ZGRF1: variants seen among roughly 807,000 people sequenced by gnomAD.
ZGRF1 encodes the protein zinc finger GRF-type containing 1, also known as 5'-3' DNA helicase ZGRF1.
A neutral mutation model predicts 203.5 loss-of-function variants in ZGRF1; 196 were observed. The ratio of observed to expected loss-of-function variants is 0.96; its 90% CI spans 0.86 to 1.08. The LOEUF is 1.08. Among genes scored for constraint, ZGRF1 ranks in the 50% least tolerant of loss-of-function variants. The pLI, the probability that ZGRF1 is intolerant of heterozygous loss-of-function variation, is 0.00. For synonymous variants in ZGRF1, 809 were observed against 841.3 expected (o/e 0.96, Z 0.66); for missense variants, 2,326 against 2,416.3 (o/e 0.96, Z 0.78).
chr4:112,604,473 T>C (rs1349254473), intron 9 of ZGRF1, among the ~76,000 whole-genome samples: 1 of 152,162 alleles, frequency 6.6e-6, no homozygotes, highest in Non-Finnish European at 1.5e-5. Context: ...GTAAGCCCCT[T>C]GTGAGCAGAG....
chr4:112,618,247 GTT>G lies in ZGRF1; in HGVS notation c.1793_1794del (p.Lys598ThrfsTer8), dbSNP rs769982598. 6.2e-7 allele frequency: 1 copy of G among 1,613,840 alleles called. No individual in the cohort carries two copies. The highest frequency in any genetic ancestry group is 8.5e-7 in the Non-Finnish European group (1 of 1,179,850). On this transcript the variant is annotated frameshift_variant, in exon 6 of 28. Coordinates refer to ENST00000505019, the MANE Select transcript of ZGRF1 (RefSeq NM_018392.5). LOFTEE classifies it high-confidence loss of function. Reference sequence around the variant, plus strand: ...TCTTTAACAGGAAATGTCACTGTAGGTTTGTCACTAACAGATGTTAAGAATGG... The same window carrying G: ...TCTTTAACAGGAAATGTCACTGTAGGTGTCACTAACAGATGTTAAGAATGG... ...HLPFLTSVSD[K>X]PTVTFPVKET...
Position 112,612,568 on chromosome 4 carries a change from C to T in ZGRF1, c.2623G>A (p.Val875Ile). 1 of 1,605,504 alleles carries T rather than the reference C, an allele frequency of 6.2e-7. No homozygotes were observed. The highest frequency in any genetic ancestry group is 8.5e-7 in the Non-Finnish European group (1 of 1,173,564). ...PPEVRKPFIT[V>I]VSPKSPHLHK... ...AGATGAGGAGACTTTGGTGAAACTACTGTAATAAATGGTTTCCTCACTGTA... is the reference window on the plus strand; with the variant it reads ...AGATGAGGAGACTTTGGTGAAACTATTGTAATAAATGGTTTCCTCACTGTA... The change falls in exon 7 of 28, where the codon GTA (valine) becomes ATA (isoleucine). Residue 875 changes from valine (V) to isoleucine (I), a missense_variant. By Grantham distance (29) the Val-to-Ile change is conservative (BLOSUM62 3). Coordinates refer to ENST00000505019, the MANE Select transcript of ZGRF1 (RefSeq NM_018392.5).
chr4:112,602,080 G>A (rs1750072025), intron 10 of ZGRF1, among the ~76,000 whole-genome samples: 1 of 152,060 alleles, frequency 6.6e-6, no homozygotes, highest in Non-Finnish European at 1.5e-5. Flanking sequence ...GCACATGCCT[G>A]TAATCCCAGC....
At chr4:112,581,320 C>G (rs1746208163) in intron 16 of ZGRF1, among the ~76,000 whole-genome samples, 1 of 150,558 alleles carries the variant, frequency 6.6e-6, no homozygotes, top group Non-Finnish European at 1.5e-5. Flanking sequence ...GGAGATATAC[C>G]TAATGTTAAA....
At chr4:112,631,765 C>T (rs530246681) in intron 3 of ZGRF1, among the ~76,000 whole-genome samples, 165 bp downstream of exon 3, 29 of 152,310 alleles carry the variant, frequency 1.9e-4, no homozygotes, top group African/African-American at 7.0e-4. Context: ...ATTTTTATAA[C>T]GCACAAATTA....
chr4:112,601,332 T>A (rs1379279650), intron 10 of ZGRF1, among the ~76,000 whole-genome samples: 3 of 151,908 alleles, frequency 2.0e-5, no homozygotes, highest in Non-Finnish European at 4.4e-5. Context: ...GGCAGATCAC[T>A]TGAGGCTAGG....
rs776234297 is a variant in ZGRF1 at position 112,541,140 on chromosome 4, C to T, written c.5727G>A (p.Leu1909=). Residue 1909 remains leucine, a synonymous_variant, in exon 25 of 28, where the codon TTG becomes TTA. Transcript: ENST00000505019. ...AAAAACACAGGGTTGGTAGCCATTC[C>T]AATAAAGGGCTCCGCTCTATTTCTG... is the stretch of plus-strand genomic sequence containing the variant. The part of the protein sequence containing the change: ...GVTEIERSPL[L]EWLPTLCFYN... 1.2e-6 allele frequency: 2 copies of T among 1,608,242 alleles called. No homozygotes were observed. Among genetic ancestry groups the T allele is most frequent in the South Asian group, 1.1e-5 (1 of 89,950 alleles).
At chr4:112,606,649 C>A (rs1309877375) in intron 8 of ZGRF1, among the ~76,000 whole-genome samples, 14 of 148,952 alleles carry the variant, frequency 9.4e-5, no homozygotes, top group African/African-American at 3.5e-4. Context: ...CAAAGCAAAA[C>A]TCCGTCTCAA....
Position 112,607,091 on chromosome 4 carries a change from TA to T in ZGRF1, c.2719-1001del, listed in dbSNP as rs558487084. Among the ~76,000 whole-genome samples the T allele has an allele frequency of 6.6e-3, 1,012 of 152,294 alleles. 5 individuals carry two copies. Among genetic ancestry groups the T allele is most frequent in the Non-Finnish European group, 0.011 (738 of 67,998 alleles). ...GCACAACTGCCAACCAAGTAGCTCT[TA>T]AAAATATTCAACCTATATTTTAGAA... On this transcript the variant is annotated intron_variant, in intron 8 of 27. Transcript: ENST00000505019.
rs541583577 is a variant in ZGRF1, at chr4:112,593,319, C to A, written c.2977-3445G>T. On this transcript the variant is annotated intron_variant, in intron 10 of 27. Transcript: ENST00000505019. ...TCTTAAACCCACCAACTCCACTATA[C>A]TTTCACTGCCACAATCCCTACTTCA... is the stretch of plus-strand genomic sequence containing the variant. Among the ~76,000 whole-genome samples the A allele has an allele frequency of 2.0e-5, 3 of 152,308 alleles. No homozygotes were observed. The South Asian group carries it at 6.2e-4, about 32-fold the overall frequency.
rs567888681 is a variant in ZGRF1, at chr4:112,574,929, G to A, written c.4438+6734C>T. ...TAATCCCACCTACTCGGGAGACTGAGGCAGAATAATCACTTGAACCCAGGA... is the reference window on the plus strand; with the variant it reads ...TAATCCCACCTACTCGGGAGACTGAAGCAGAATAATCACTTGAACCCAGGA... On this transcript the variant is annotated intron_variant, in intron 16 of 27. Coordinates refer to ENST00000505019, the MANE Select transcript of ZGRF1 (RefSeq NM_018392.5). Among the ~76,000 whole-genome samples the A allele has an allele frequency of 7.6e-4, 115 of 152,010 alleles. 1 individual carries two copies. Among genetic ancestry groups the A allele is most frequent in the African/African-American group, 2.7e-3 (111 of 41,458 alleles).
At chr4:112,586,367 A>G in intron 13 of ZGRF1, 78 bp downstream of exon 13, 1 of 1,087,994 alleles carries the variant, frequency 9.2e-7, no homozygotes, top group African/African-American at 1.6e-5. Context: ...AATTCACAAT[A>G]TAATGTATTA....
At position 112,589,880 on chromosome 4, in the gene ZGRF1, C is replaced by T. The variant is rs367983588; in HGVS notation, c.2977-6G>A. ...TTTTCTTCTGGTGATGTCACCTATA[C>T]AGAAAGAAGAATCAAAACTACAGAC... On this transcript the variant is annotated splice_polypyrimidine_tract_variant and splice_region_variant and intron_variant, in intron 10 of 27. Coordinates refer to ENST00000505019, the MANE Select transcript of ZGRF1 (RefSeq NM_018392.5). The T allele has an allele frequency of 5.1e-5, 79 of 1,546,144 alleles. No homozygotes were observed. The East Asian group carries it at 1.0e-3, about 20-fold the overall frequency.
At position 112,631,949 on chromosome 4, in the gene ZGRF1, A is replaced by G; in HGVS notation, c.83T>C (p.Ile28Thr). 6.3e-7 allele frequency: 1 copy of G among 1,597,654 alleles called. No homozygotes were observed. Among genetic ancestry groups the G allele is most frequent in the Non-Finnish European group, 8.5e-7 (1 of 1,171,696 alleles). Reference sequence around the variant, plus strand: ...ACTCACTTTGTTTCCTAAGTGAGTGATCTTCAGAATTCCATCTTGCCACAC... The same window carrying G: ...ACTCACTTTGTTTCCTAAGTGAGTGGTCTTCAGAATTCCATCTTGCCACAC... Reference protein sequence around the residue: ...SKVWQDGILKITHLGNKAILY... With the variant: ...SKVWQDGILKTTHLGNKAILY... The change falls in exon 3 of 28, where the codon ATC (isoleucine) becomes ACC (threonine). Residue 28 changes from isoleucine to threonine, a missense_variant. Coordinates refer to ENST00000505019, the MANE Select transcript of ZGRF1 (RefSeq NM_018392.5).
chr4:112,576,497 T>C (rs141658820), intron 16 of ZGRF1, among the ~76,000 whole-genome samples: 3 of 152,038 alleles, frequency 2.0e-5, no homozygotes, highest in African/African-American at 7.2e-5. Context: ...AGGAGGAAGT[T>C]TGAACCCATG....
intron 10 of ZGRF1, among the ~76,000 whole-genome samples, chr4:112,603,187 A>G (rs1303971640): frequency 5.9e-5 from 9 of 152,160 alleles, no homozygotes; most frequent in Non-Finnish European, 1.3e-4. Context: ...TCAGTGTCAT[A>G]TTTAAAGAGA....
chr4:112,616,524 CAAAA>C (rs1359140414), intron 6 of ZGRF1, among the ~76,000 whole-genome samples: 4 of 81,364 alleles, frequency 4.9e-5, no homozygotes, highest in Non-Finnish European at 7.9e-5. Flanking sequence ...GACTGTGTCT[CAAAA>C]AAAAAAAAAA....
rs765770058 is a variant in ZGRF1 at position 112,540,044 on chromosome 4, C to G, written c.5991G>C (p.Gln1997His). 6.2e-7 allele frequency: 1 copy of G among 1,609,950 alleles called. No homozygotes were observed. The highest frequency in any genetic ancestry group is 1.1e-5 in the South Asian group (1 of 90,644). ...GAATAATGATCTCCTTTTCAGCTCC[C>G]TGAAAAGCATCTACTGTGGACACCT... ...TVQVSTVDAF[Q>H]GAEKEIIILS... is the part of the protein sequence containing the mutation. The change falls in exon 27 of 28, where the codon CAG becomes CAC. Residue 1997 changes from glutamine (Q) to histidine (H), a missense_variant. Physicochemically the swap from Gln to His is conservative, Grantham distance 24. Transcript: ENST00000505019.
Position 112,609,363 on chromosome 4 carries a change from AT to A in ZGRF1, c.2718+15del. ...CCACCATGCCCAGGGGCTAATTTATATTTTAAATAACTTACCTGCACAGACT... is the reference window on the plus strand; with the variant it reads ...CCACCATGCCCAGGGGCTAATTTATATTTAAATAACTTACCTGCACAGACT... On this transcript the variant is annotated intron_variant, in intron 8 of 27. Coordinates refer to ENST00000505019, the MANE Select transcript of ZGRF1 (RefSeq NM_018392.5). The A allele has an allele frequency of 6.7e-7, 1 of 1,499,960 alleles. No individual in the cohort carries two copies. Among genetic ancestry groups the A allele is most frequent in the Non-Finnish European group, 9.0e-7 (1 of 1,107,600 alleles). The allele number at this position is 1,499,960 out of a possible 1,614,324, so 92.9% of individuals were successfully genotyped here. A position where few individuals can be genotyped will look rare whatever the true frequency, so the allele number is the denominator to read the frequency against.
Sources: gnomAD v4.1 joint callset for allele counts (sites outside exome capture counted in the v4.1 genomes callset) on GRCh38, gnomAD v4.1.1 for gene constraint, MANE v1.5 for transcripts, NCBI Gene and HGNC (gene_info 2026-07-23, HGNC 2026-07-21) for gene names.